Variants in RGS6 observed in about 807,000 individuals in gnomAD.
RGS6 encodes the protein regulator of G protein signaling 6, also known as regulator of G-protein signaling 6.
In RGS6, 30 loss-of-function variants were observed where a neutral mutation model predicts 78.5. The observed-to-expected ratio is 0.38, with a 90% CI of 0.29 to 0.52. RGS6 has a LOEUF of 0.52. RGS6 is among the 20% of genes least tolerant of loss of function. RGS6 has a pLI of 0.85. For synonymous variants in RGS6, 206 were observed against 206.0 expected (o/e 1.00, Z 0.00); for missense variants, 495 against 609.7 (o/e 0.81, Z 1.98).
At chr14:71,931,883 T>C (rs2087892806), upstream of RGS6, among the ~76,000 whole-genome samples, 1 of 152,234 alleles carries the variant, frequency 6.6e-6, no homozygotes, top group East Asian at 1.9e-4. Context: ...CATCCTGTAA[T>C]ATTCCAAATG....
chr14:72,458,264 C>G lies in RGS6; in HGVS notation c.236-7C>G. On this transcript the variant is annotated splice_region_variant and splice_polypyrimidine_tract_variant and intron_variant, in intron 4 of 17. Coordinates refer to ENST00000553525, the MANE Select transcript of RGS6 (RefSeq NM_001204424.2). Reference sequence around the variant, plus strand: ...ATTCCTTCTCTCTCTATGCACTGTTCTTACAGTTGAAGCAATACACTTGGG... The same window carrying G: ...ATTCCTTCTCTCTCTATGCACTGTTGTTACAGTTGAAGCAATACACTTGGG... The G allele has an allele frequency of 6.2e-7, 1 of 1,607,042 alleles. No individual in the cohort carries two copies.
At chr14:72,245,376 G>T (rs6574056) in intron 2 of RGS6, among the ~76,000 whole-genome samples, 90,804 of 152,062 alleles carry the variant, frequency 0.6, 27,549 homozygotes, top group Middle Eastern at 0.68. Context: ...CCCAAACAGA[G>T]ATTTACCCAT....
chr14:72,573,661 A>G, the RGS6 span, among the ~76,000 whole-genome samples: 1 of 152,128 alleles, frequency 6.6e-6, no homozygotes, highest in Non-Finnish European at 1.5e-5. Flanking sequence ...GCCCACTTCT[A>G]TCTACCCCAG....
chr14:71,878,466 C>T, the RGS6 span, among the ~76,000 whole-genome samples: 47,452 of 152,060 alleles, frequency 0.31, 7,657 homozygotes, highest in South Asian at 0.42. Context: ...GCTCCATGGG[C>T]GTGGGACCCT....
chr14:72,267,347 A>G (rs1179341771), intron 2 of RGS6, among the ~76,000 whole-genome samples: 5 of 72,012 alleles, frequency 6.9e-5, no homozygotes. Flanking sequence ...TTCAGTGTCC[A>G]TAAATAAAGT....
the RGS6 span, among the ~76,000 whole-genome samples, chr14:72,610,442 C>T: frequency 6.6e-6 from 1 of 152,202 alleles, no homozygotes; most frequent in Non-Finnish European, 1.5e-5. Context: ...ACCAGCCTGT[C>T]CCTGAGAAGA....
chr14:71,971,315 G>A (rs939847726), intron 2 of RGS6, among the ~76,000 whole-genome samples: 2 of 152,150 alleles, frequency 1.3e-5, no homozygotes, highest in Non-Finnish European at 2.9e-5. Context: ...GAGGGAAGGA[G>A]AATCGCAATG....
chr14:71,873,524 TGTAG>T, the RGS6 span, among the ~76,000 whole-genome samples: 5 of 152,246 alleles, frequency 3.3e-5, no homozygotes, highest in Non-Finnish European at 1.5e-5. Context: ...TTAAGTTCTC[TGTAG>T]ATTCTGGATA....
intron 2 of RGS6, among the ~76,000 whole-genome samples, chr14:72,058,314 T>G (rs1205836904): frequency 1.3e-5 from 2 of 152,200 alleles, no homozygotes; most frequent in African/African-American, 4.8e-5. Flanking sequence ...GAGTATATGC[T>G]CATCCACACT....
chr14:72,548,911 C>CGT (rs559982368), intron 17 of RGS6, among the ~76,000 whole-genome samples: 13 of 152,290 alleles, frequency 8.5e-5, no homozygotes, highest in Non-Finnish European at 1.8e-4. Flanking sequence ...CATGTCTAGC[C>CGT]GTTTAGAAGC....
chr14:72,573,000 TCAC>T, the RGS6 span, among the ~76,000 whole-genome samples: 2 of 151,876 alleles, frequency 1.3e-5, no homozygotes, highest in African/African-American at 4.8e-5. Flanking sequence ...TTTTTCGAAG[TCAC>T]CAAGAGAACA....
chr14:72,390,583 TCA>T (rs149159412), intron 3 of RGS6, among the ~76,000 whole-genome samples: 3 of 151,486 alleles, frequency 2.0e-5, no homozygotes, highest in Admixed American at 6.6e-5. Context: ...TGGGATACTT[TCA>T]CACACACACA....
chr14:72,307,497 T>C (rs2067531146), intron 2 of RGS6, among the ~76,000 whole-genome samples: 1 of 152,156 alleles, frequency 6.6e-6, no homozygotes, highest in Admixed American at 6.5e-5. Flanking sequence ...CTATAATTTG[T>C]TTTTACAGTT....
At chr14:72,537,415 T>G in intron 16 of RGS6, 1 of 700,338 alleles carries the variant, frequency 1.4e-6, no homozygotes, top group Non-Finnish European at 2.6e-6. Context: ...CCTGCCCTTG[T>G]GTAGCCCTGG....
rs1307414455 is a variant in RGS6, at chr14:72,269,603, GTCTC to G, written c.85-82486_85-82483del. On this transcript the variant is annotated intron_variant, in intron 2 of 17. Coordinates refer to ENST00000553525, the MANE Select transcript of RGS6 (RefSeq NM_001204424.2). ...TTTTTTTTTTTTTTTTTGAGACAGA[GTCTC>G]TCTCTGGAGTGCAGTGGCACAGTCT... 3.2e-5 allele frequency among the ~76,000 whole-genome samples: 4 copies of G among 125,948 alleles called. No homozygotes were observed. In the East Asian group the frequency reaches 8.7e-4, roughly 27 times the overall value. 82.6% of individuals were successfully genotyped at this position (125,948 alleles called of 152,430 possible).
chr14:72,229,520 A>G (rs1026289791), intron 2 of RGS6, among the ~76,000 whole-genome samples: 7 of 152,088 alleles, frequency 4.6e-5, no homozygotes, highest in African/African-American at 1.7e-4. Context: ...GCTCTTTACC[A>G]TGTTGTTAAA....
Position 72,316,959 on chromosome 14 carries a change from A to G in RGS6, c.85-35136A>G, listed in dbSNP as rs112480779. On this transcript the variant is annotated intron_variant, in intron 2 of 17. Coordinates refer to ENST00000553525, the MANE Select transcript of RGS6 (RefSeq NM_001204424.2). ...TGTATTTCACATATCACTCAGGTCA[A>G]TGTTCCTTTGAAAATGGAGAATGCA... Among the ~76,000 whole-genome samples the G allele has an allele frequency of 9.3e-3, 1,394 of 149,420 alleles. 10 individuals are homozygous for G. The highest frequency in any genetic ancestry group is 0.024 in the South Asian group (112 of 4,704).
chr14:72,270,558 C>A (rs749949174), intron 2 of RGS6, among the ~76,000 whole-genome samples: 4 of 152,352 alleles, frequency 2.6e-5, no homozygotes, highest in Non-Finnish European at 5.9e-5. Context: ...TAAACAAAAG[C>A]AATTTCAGTT....
chr14:72,313,792 G>A lies in RGS6; in HGVS notation c.85-38303G>A, dbSNP rs577304996. Reference sequence around the variant, plus strand: ...GGAGAAGGTATTTTGAGGCAAAGAAGAAAGAACAAAGGAAAATGAAGGTAT... The same window carrying A: ...GGAGAAGGTATTTTGAGGCAAAGAAAAAAGAACAAAGGAAAATGAAGGTAT... On this transcript the variant is annotated intron_variant, in intron 2 of 17. Transcript: ENST00000553525. Among the ~76,000 whole-genome samples the A allele has an allele frequency of 2.2e-4, 33 of 152,296 alleles. 1 individual carries two copies. The East Asian group carries it at 6.2e-3, about 29-fold the overall frequency.
Sources: gnomAD v4.1 joint callset for allele counts (sites outside exome capture counted in the v4.1 genomes callset) on GRCh38, gnomAD v4.1.1 for gene constraint, MANE v1.5 for transcripts, NCBI Gene and HGNC (gene_info 2026-07-23, HGNC 2026-07-21) for gene names.